Variants in SNAP91 observed in about 807,000 individuals in gnomAD.
The protein encoded by SNAP91 is synaptosome associated protein 91.
In SNAP91, 27 loss-of-function variants were observed where a neutral mutation model predicts 100.3. The observed-to-expected ratio is 0.27, with a 90% CI of 0.20 to 0.37. SNAP91 has a LOEUF of 0.37. SNAP91 is among the 10% of genes least tolerant of loss of function. The pLI is 1.00. For missense variants in SNAP91, 986 were observed against 1,123.7 expected (o/e 0.88, Z 1.75); for synonymous variants, 404 against 398.6 (o/e 1.01, Z -0.16).
chr6:83,639,726 C>A (rs1188666514), intron 8 of SNAP91, among the ~76,000 whole-genome samples: 1 of 151,998 alleles, frequency 6.6e-6, no homozygotes, highest in Non-Finnish European at 1.5e-5. Context: ...AGTGTATACC[C>A]CAGACTGCCA....
chr6:83,623,264 C>T (rs1456077259), intron 9 of SNAP91, 37 bp downstream of exon 9: 4 of 1,535,538 alleles, frequency 2.6e-6, no homozygotes, highest in East Asian at 4.5e-5. Context: ...GTAATAATCT[C>T]ATGCATACTG....
intron 2 of SNAP91, among the ~76,000 whole-genome samples, chr6:83,667,295 T>A (rs1174121598): frequency 6.6e-6 from 1 of 151,854 alleles, no homozygotes; most frequent in African/African-American, 2.4e-5. Context: ...TCAAAGAATA[T>A]TCACAATTTT....
chr6:83,607,419 T>C (rs1180788418), intron 13 of SNAP91, among the ~76,000 whole-genome samples: 1 of 151,906 alleles, frequency 6.6e-6, no homozygotes, highest in East Asian at 1.9e-4. Context: ...AAACTAATTT[T>C]AGAAAACACT....
chr6:83,649,538 C>G (rs73751569), intron 7 of SNAP91, among the ~76,000 whole-genome samples: 6,511 of 152,174 alleles, frequency 0.043, 453 homozygotes, highest in African/African-American at 0.15. Flanking sequence ...CTAAGTCCAT[C>G]TCACATTGAA....
chr6:83,708,466 G>T, intron 1 of SNAP91: 1 of 153,474 alleles, frequency 6.5e-6, no homozygotes, highest in South Asian at 2.0e-4. Context: ...GCAGCAAAGG[G>T]CTCGTCCTCC....
intron 2 of SNAP91, among the ~76,000 whole-genome samples, chr6:83,681,942 A>G (rs559975114): frequency 1.3e-5 from 2 of 152,262 alleles, no homozygotes; most frequent in East Asian, 3.9e-4. Context: ...ATGGGGAGCA[A>G]TAAGCACACA....
At chr6:83,691,352 T>A (rs1203263920) in intron 2 of SNAP91, among the ~76,000 whole-genome samples, 1 of 152,192 alleles carries the variant, frequency 6.6e-6, no homozygotes, top group Non-Finnish European at 1.5e-5. Context: ...TCAGTAACCT[T>A]ATTTACTAAC....
intron 7 of SNAP91, among the ~76,000 whole-genome samples, chr6:83,651,242 A>G (rs908874394): frequency 2.0e-5 from 3 of 151,858 alleles, no homozygotes; most frequent in South Asian, 2.1e-4. Context: ...CCTGTTTTCA[A>G]TTTCATTGAT....
intron 2 of SNAP91, among the ~76,000 whole-genome samples, chr6:83,697,902 T>C (rs887973670): frequency 2.8e-4 from 43 of 151,988 alleles, no homozygotes; most frequent in African/African-American, 1.0e-3. Flanking sequence ...AATAAGACAG[T>C]CTCAAAGAAA....
intron 26 of SNAP91, among the ~76,000 whole-genome samples, chr6:83,566,657 A>G (rs1797038008): frequency 6.6e-6 from 1 of 152,180 alleles, no homozygotes; most frequent in South Asian, 2.1e-4. Flanking sequence ...TAAGTTTTTA[A>G]TTGGGATGCC....
intron 2 of SNAP91, among the ~76,000 whole-genome samples, chr6:83,694,717 C>T (rs979393762): frequency 2.6e-5 from 4 of 152,166 alleles, no homozygotes; most frequent in African/African-American, 7.2e-5. Context: ...CAGAAACAAG[C>T]GAAACAGGGG....
At chr6:83,619,709 GATTT>G (rs1020724608) in intron 9 of SNAP91, among the ~76,000 whole-genome samples, 29 of 152,096 alleles carry the variant, frequency 1.9e-4, no homozygotes, top group African/African-American at 7.0e-4. Context: ...AAAAACATAA[GATTT>G]TTTTCATAAA....
chr6:83,557,744 T>C (rs1212935260), intron 28 of SNAP91, among the ~76,000 whole-genome samples: 1 of 151,958 alleles, frequency 6.6e-6, no homozygotes, highest in East Asian at 1.9e-4. Flanking sequence ...GAGAGATATA[T>C]ATATAAATAA....
intron 7 of SNAP91, among the ~76,000 whole-genome samples, 186 bp from the exon 8 acceptor site, chr6:83,641,388 G>T (rs567071290): frequency 1.1e-4 from 16 of 151,650 alleles, no homozygotes; most frequent in African/African-American, 3.9e-4. Flanking sequence ...AAAGTGTTAT[G>T]TTCCAAGATA....
In SNAP91 at chr6:83,593,273, C is replaced by T. The variant is rs767230616; in HGVS notation, c.1697-14G>A. On this transcript the variant is annotated splice_polypyrimidine_tract_variant and intron_variant, in intron 18 of 29. Transcript: ENST00000369694. ...ACTCAAATAAATCTAAGACCAAGAA[C>T]ACACATGCCTTTACTCAACTTGAAC... 7.6e-6 allele frequency: 12 copies of T among 1,580,052 alleles called. No individual in the cohort carries two copies. Among genetic ancestry groups the T allele is most frequent in the Non-Finnish European group, 1.0e-5 (12 of 1,162,156 alleles).
chr6:83,676,660 G>A (rs1293455579), intron 2 of SNAP91, among the ~76,000 whole-genome samples: 1 of 152,186 alleles, frequency 6.6e-6, no homozygotes, highest in East Asian at 1.9e-4. Flanking sequence ...TCACAGAAGG[G>A]ACTTGATATT....
chr6:83,602,943 A>G (rs2128252804), intron 14 of SNAP91, among the ~76,000 whole-genome samples: 1 of 152,326 alleles, frequency 6.6e-6, no homozygotes, highest in Non-Finnish European at 1.5e-5. Flanking sequence ...ACCATGGCAC[A>G]TGTATACCTA....
At chr6:83,572,450 C>G (rs1809848571) in intron 26 of SNAP91, among the ~76,000 whole-genome samples, 1 of 152,116 alleles carries the variant, frequency 6.6e-6, no homozygotes, top group Non-Finnish European at 1.5e-5. Context: ...GGGGTTTCAC[C>G]ATGTTGGCTA....
intron 26 of SNAP91, among the ~76,000 whole-genome samples, chr6:83,565,542 TTC>T (rs1166819121): frequency 6.6e-6 from 1 of 152,152 alleles, no homozygotes; most frequent in Non-Finnish European, 1.5e-5. Context: ...TGCTAATAAC[TTC>T]TGTTTGTTTT....
Sources: allele counts gnomAD v4.1 joint callset (sites outside exome capture counted in the v4.1 genomes callset), GRCh38; gene constraint gnomAD v4.1.1; transcripts MANE v1.5; gene names NCBI Gene and HGNC (gene_info 2026-07-23, HGNC 2026-07-21).